Variants in MYCBP2 observed in about 807,000 individuals in gnomAD.
MYCBP2 encodes the protein E3 ubiquitin-protein ligase MYCBP2.
In MYCBP2, 120 loss-of-function variants were observed where a neutral mutation model predicts 525.3. That is an observed-to-expected ratio of 0.23 (90% CI 0.20 to 0.27). The LOEUF is 0.27. MYCBP2 is among the 10% of genes least tolerant of loss of function. The pLI is 1.00. For synonymous variants in MYCBP2, 1,894 were observed against 1,955.8 expected, an observed-to-expected ratio of 0.97 and a Z score of 0.83; for missense variants, 4,149 against 5,657.1, an observed-to-expected ratio of 0.73 and a Z score of 8.55.
intron 1 of MYCBP2, among the ~76,000 whole-genome samples, chr13:77,324,443 C>T (rs1036856832): frequency 2.6e-5 from 4 of 152,206 alleles, no homozygotes; most frequent in Non-Finnish European, 5.9e-5. Context: ...CCCAAGTCTA[C>T]TTTCCTCAAC....
intron 1 of MYCBP2, among the ~76,000 whole-genome samples, chr13:77,297,482 G>C (rs1221198212): frequency 6.6e-6 from 1 of 152,118 alleles, no homozygotes; most frequent in Non-Finnish European, 1.5e-5. Flanking sequence ...AGGGAATGCA[G>C]GGAGAACGAA....
intron 26 of MYCBP2, among the ~76,000 whole-genome samples, chr13:77,199,028 G>C (rs377310506): frequency 1.8e-4 from 27 of 152,196 alleles, no homozygotes; most frequent in Non-Finnish European, 2.9e-4. Flanking sequence ...TTACTGTAGG[G>C]GGGGAGGAGG....
chr13:77,206,964 G>C, intron 23 of MYCBP2, 139 bp from the exon 24 acceptor site: 1 of 651,842 alleles, frequency 1.5e-6, no homozygotes, highest in Non-Finnish European at 2.3e-6. Flanking sequence ...TTATCTTCTG[G>C]ATCTAAGCTA....
intron 11 of MYCBP2, 121 bp downstream of exon 11, chr13:77,261,932 A>T: frequency 1.3e-6 from 1 of 758,996 alleles, no homozygotes; most frequent in Non-Finnish European, 2.0e-6. Flanking sequence ...AAATAATTTT[A>T]AATCAAAATT....
intron 80 of MYCBP2, among the ~76,000 whole-genome samples, chr13:77,055,008 G>A (rs187771823): frequency 1.3e-5 from 2 of 152,190 alleles, no homozygotes; most frequent in East Asian, 3.9e-4. Flanking sequence ...AAAATTTTGG[G>A]GGGTCATAAA....
intron 1 of MYCBP2, among the ~76,000 whole-genome samples, chr13:77,317,388 C>T (rs2081079984): frequency 6.6e-6 from 1 of 152,214 alleles, no homozygotes; most frequent in African/African-American, 2.4e-5. Flanking sequence ...CCCTTGCCAT[C>T]AGAGCTATGG....
At chr13:77,194,009 T>C (rs994655469) in intron 27 of MYCBP2, 144 bp downstream of exon 27, 4 of 487,652 alleles carry the variant, frequency 8.2e-6, no homozygotes, top group Non-Finnish European at 1.1e-5. Context: ...ATACTTATAT[T>C]GCTTAATATA....
At chr13:77,087,275 A>G (rs894484144) in intron 62 of MYCBP2, among the ~76,000 whole-genome samples, 1 of 152,190 alleles carries the variant, frequency 6.6e-6, no homozygotes, top group African/African-American at 2.4e-5. Flanking sequence ...TCAGGCTCCT[A>G]GTGCCCTAAT....
chr13:77,267,716 G>C (rs1287080726), intron 8 of MYCBP2, 125 bp downstream of exon 8: 1 of 733,200 alleles, frequency 1.4e-6, no homozygotes, highest in African/African-American at 1.8e-5. Context: ...TGTATGTCAA[G>C]ATTTTTAAAA....
chr13:77,078,931 G>A (rs763673551), intron 65 of MYCBP2, 42 bp from the exon 66 acceptor site: 1 of 1,499,512 alleles, frequency 6.7e-7, no homozygotes, highest in Admixed American at 1.7e-5. Context: ...CTATATTCCT[G>A]CTTCAGAACT....
chr13:77,176,454 A>G, intron 36 of MYCBP2, 43 bp downstream of exon 36: 2 of 1,506,110 alleles, frequency 1.3e-6, no homozygotes, highest in East Asian at 2.3e-5. Context: ...TAACTACATA[A>G]TAATACCTCT....
At chr13:77,216,270 T>C (rs1445384901) in intron 21 of MYCBP2, among the ~76,000 whole-genome samples, 2 of 151,750 alleles carry the variant, frequency 1.3e-5, no homozygotes, top group Middle Eastern at 3.2e-3. Context: ...GAAAAACAAG[T>C]AAACAGGAAA....
At position 77,297,447 on chromosome 13, in the gene MYCBP2, A is replaced by G. The variant is rs547483684; in HGVS notation, c.303-773T>C. Among the ~76,000 whole-genome samples the G allele has an allele frequency of 2.0e-5, 3 of 152,282 alleles. No individual in the cohort carries two copies. The South Asian group carries it at 6.2e-4, about 32-fold the overall frequency. On this transcript the variant is annotated intron_variant, in intron 1 of 82. Coordinates refer to ENST00000544440, the MANE Select transcript of MYCBP2 (RefSeq NM_015057.5). ...AGAGGATACTACTGCTGTAATAAAG[A>G]AAAAAGGATGAAGTCGGGGGGAAGA...
At chr13:77,068,500 A>G (rs2040577490) in intron 70 of MYCBP2, 65 bp downstream of exon 70, 3 of 1,558,798 alleles carry the variant, frequency 1.9e-6, no homozygotes, top group Non-Finnish European at 2.6e-6. Flanking sequence ...TTCTCTTTGC[A>G]TTGCAACTTT....
chr13:77,074,011 C>A (rs577403476), intron 68 of MYCBP2, among the ~76,000 whole-genome samples: 5 of 138,294 alleles, frequency 3.6e-5, no homozygotes, highest in South Asian at 2.7e-4. Flanking sequence ...CGCCCCCCCC[C>A]CTTTTTTTTT....
At position 77,243,095 on chromosome 13, in the gene MYCBP2, G is replaced by A. The variant is rs144209096; in HGVS notation, c.2593C>T (p.Arg865Cys). Residue 865 changes from arginine (R) to cysteine (C), a missense_variant, in exon 17 of 83, where the codon CGT becomes TGT. Arg to Cys is a radical substitution (Grantham distance 180, BLOSUM62 -3). Coordinates refer to ENST00000544440, the MANE Select transcript of MYCBP2 (RefSeq NM_015057.5). ...LQLRQEEKRQ[R>C]VIRRHRLEEG... Reference sequence around the variant, plus strand: ...TCTAATCTGTGCCTTCTGATTACACGTTGCCGTTTTTCTTCTTGTCGTAAC... The same window carrying A: ...TCTAATCTGTGCCTTCTGATTACACATTGCCGTTTTTCTTCTTGTCGTAAC... 39 of 1,613,748 alleles carry A rather than the reference G, an allele frequency of 2.4e-5. No individual in the cohort carries two copies. The African/African-American group carries it at 3.3e-4, about 14-fold the overall frequency.
At chr13:77,113,672 T>C (rs1013051523) in intron 55 of MYCBP2, among the ~76,000 whole-genome samples, 14 of 152,116 alleles carry the variant, frequency 9.2e-5, no homozygotes, top group Non-Finnish European at 2.9e-5. Flanking sequence ...TTTGAATTCC[T>C]AGGATGAAGT....
intron 44 of MYCBP2, among the ~76,000 whole-genome samples, chr13:77,160,753 T>C (rs1430632954): frequency 6.6e-6 from 1 of 152,200 alleles, no homozygotes; most frequent in Non-Finnish European, 1.5e-5. Flanking sequence ...TGATCTAAAT[T>C]GGTGTTTTCC....
At chr13:77,281,116 G>C (rs2154352810) in intron 3 of MYCBP2, among the ~76,000 whole-genome samples, 1 of 152,264 alleles carries the variant, frequency 6.6e-6, no homozygotes, top group East Asian at 1.9e-4. Context: ...AAAACAGTTT[G>C]AAGTCTTATA....
Sources: allele counts gnomAD v4.1 joint callset (sites outside exome capture counted in the v4.1 genomes callset), GRCh38; gene constraint gnomAD v4.1.1; transcripts MANE v1.5; gene names NCBI Gene and HGNC (gene_info 2026-07-23, HGNC 2026-07-21).